Variants in HERC1 observed in about 807,000 individuals in gnomAD.
HERC1 encodes the protein probable E3 ubiquitin-protein ligase HERC1.
HERC1 carries 160 observed loss-of-function variants against 554.3 expected under a neutral mutation model. The ratio of observed to expected loss-of-function variants is 0.29; its 90% CI spans 0.25 to 0.33. HERC1 has a LOEUF of 0.33. Ranked by LOEUF, HERC1 falls within the 10% of genes least tolerant of loss-of-function variation. The pLI is 1.00. For missense variants in HERC1, 4,919 were observed against 5,918.5 expected (o/e 0.83, Z 5.54); for synonymous variants, 2,175 against 2,131.7 (o/e 1.02, Z -0.56).
chr15:63,812,421 T>C (rs2077358083), intron 1 of HERC1, among the ~76,000 whole-genome samples: 1 of 152,220 alleles, frequency 6.6e-6, no homozygotes, highest in Admixed American at 6.5e-5. Flanking sequence ...TGGAAATGTG[T>C]ATGGGCTTAC....
chr15:63,828,814 A>C (rs1437791242), intron 1 of HERC1, among the ~76,000 whole-genome samples: 1 of 152,244 alleles, frequency 6.6e-6, no homozygotes, highest in Non-Finnish European at 1.5e-5. Flanking sequence ...ATTAAACTAA[A>C]GGGAGTGGTA....
chr15:63,704,456 T>C (rs377395410), intron 25 of HERC1, among the ~76,000 whole-genome samples: 4 of 152,192 alleles, frequency 2.6e-5, no homozygotes, highest in Admixed American at 1.3e-4. Flanking sequence ...TTAACTAATA[T>C]AGTATAAACT....
chr15:63,833,753 G>GCGCACACACACACA (rs1340096449), intron 1 of HERC1, 74 bp downstream of exon 1: 4 of 46,492 alleles, frequency 8.6e-5, no homozygotes, highest in African/African-American at 2.3e-4. Context: ...ACGCGCGCGC[G>GCGCACACACACACA]CACACACACA....
chr15:63,622,761 G>A lies in HERC1; in HGVS notation c.13688+54C>T, dbSNP rs1323065235. 53 of 1,346,018 alleles carry A rather than the reference G, an allele frequency of 3.9e-5. No homozygotes were observed. In the Middle Eastern group the frequency reaches 9.2e-4, roughly 23 times the overall value. 83.4% of individuals were successfully genotyped at this position (1,346,018 alleles called of 1,614,324 possible). ...GGTACATAGTAAGCACTCAATAAAT[G>A]TGAGCTATTATTATTATTTTAGACA... On this transcript the variant is annotated intron_variant, in intron 74 of 77. Coordinates refer to ENST00000443617, the MANE Select transcript of HERC1 (RefSeq NM_003922.4).
intron 25 of HERC1, among the ~76,000 whole-genome samples, chr15:63,702,483 C>T (rs1382066447): frequency 6.6e-6 from 1 of 151,944 alleles, no homozygotes; most frequent in African/African-American, 2.4e-5. Flanking sequence ...TTTTGATATC[C>T]CACAACTTTT....
chr15:63,804,452 G>A (rs1943293879), intron 1 of HERC1, among the ~76,000 whole-genome samples: 1 of 152,036 alleles, frequency 6.6e-6, no homozygotes, highest in Admixed American at 6.6e-5. Flanking sequence ...CGGGCATGGT[G>A]GCGGGCGCCT....
At chr15:63,693,221 C>A (rs995382205) in intron 30 of HERC1, among the ~76,000 whole-genome samples, 1 of 147,170 alleles carries the variant, frequency 6.8e-6, no homozygotes, top group Admixed American at 7.0e-5. Context: ...ATATCAAAAC[C>A]CTTGGTGCTG....
intron 2 of HERC1, among the ~76,000 whole-genome samples, chr15:63,771,263 G>A (rs1445950130): frequency 6.6e-6 from 1 of 151,890 alleles, no homozygotes; most frequent in Non-Finnish European, 1.5e-5. Context: ...GACTGTGCAA[G>A]AAGAAATAAC....
chr15:63,763,990 C>A (rs2142398958), intron 3 of HERC1, 106 bp downstream of exon 3: 1 of 414,058 alleles, frequency 2.4e-6, no homozygotes, highest in Non-Finnish European at 4.3e-6. Context: ...GGTGCCACTT[C>A]CTTTTGTAGC....
intron 1 of HERC1, among the ~76,000 whole-genome samples, chr15:63,791,109 G>A (rs1007911943): frequency 4.6e-5 from 7 of 152,152 alleles, no homozygotes; most frequent in East Asian, 1.9e-4. Context: ...TCCTTTCCTC[G>A]GACATACAGA....
At chr15:63,824,014 C>G (rs2077796297) in intron 1 of HERC1, among the ~76,000 whole-genome samples, 1 of 152,024 alleles carries the variant, frequency 6.6e-6, no homozygotes, top group South Asian at 2.1e-4. Context: ...GATATTTCTC[C>G]AAATAGGACA....
chr15:63,713,307 A>G lies in HERC1; in HGVS notation c.4463+46T>C, dbSNP rs188858348. On this transcript the variant is annotated intron_variant, in intron 23 of 77. Transcript: ENST00000443617. ...AAACCATTTCAGTGCATAAAGTAAT[A>G]AAGGGAAGTGAGTAGGTCATGTTTT... 2.4e-4 allele frequency: 355 copies of G among 1,475,080 alleles called. No individual in the cohort carries two copies. The Middle Eastern group carries it at 5.0e-3, about 21-fold the overall frequency. The allele number at this position is 1,475,080 out of a possible 1,614,324, so 91.4% of individuals were successfully genotyped here.
In HERC1 at chr15:63,661,819, A is replaced by G. The variant is rs1457125914; in HGVS notation, c.9104T>C (p.Leu3035Ser). Residue 3035 changes from leucine to serine, a missense_variant, in exon 45 of 78, where the codon TTA (leucine) becomes TCA (serine). Physicochemically the swap from Leu to Ser is moderately radical, Grantham distance 145 (BLOSUM62 -2). This residue lies in a region of HERC1 where 1,963 missense variants were observed against 2,228.6 expected (regional missense o/e 0.88). Coordinates refer to ENST00000443617, the MANE Select transcript of HERC1 (RefSeq NM_003922.4). ...ECGSGNPYYL[L>S]CGTCREKYLA... Reference sequence around the variant, plus strand: ...GTACTTCTCCCTGCAGGTGCCACATAACAGGTAGTACGGATTTCCACTCCC... The same window carrying G: ...GTACTTCTCCCTGCAGGTGCCACATGACAGGTAGTACGGATTTCCACTCCC... 1.9e-6 allele frequency: 3 copies of G among 1,614,010 alleles called. No individual in the cohort carries two copies. Among genetic ancestry groups the G allele is most frequent in the Admixed American group, 3.3e-5 (2 of 60,026 alleles).
At chr15:63,626,186 G>C in intron 70 of HERC1, 32 bp from the exon 71 acceptor site, 1 of 1,601,088 alleles carries the variant, frequency 6.2e-7, no homozygotes, top group Non-Finnish European at 8.5e-7. Flanking sequence ...ACTTATGAAG[G>C]AAACAGCATT....
At chr15:63,809,010 A>G (rs2077217032) in intron 1 of HERC1, among the ~76,000 whole-genome samples, 1 of 150,668 alleles carries the variant, frequency 6.6e-6, no homozygotes, top group Non-Finnish European at 1.5e-5. Context: ...ATAAAAAATG[A>G]AGAAATAGCA....
intron 70 of HERC1, among the ~76,000 whole-genome samples, chr15:63,627,012 A>T (rs1192914869): frequency 1.1e-4 from 16 of 152,170 alleles, no homozygotes. Context: ...ATTCAGCCCC[A>T]GCAATGTGGC....
chr15:63,687,120 C>T (rs1236679835), intron 33 of HERC1, among the ~76,000 whole-genome samples: 2 of 152,206 alleles, frequency 1.3e-5, no homozygotes, highest in Admixed American at 6.5e-5. Flanking sequence ...GGGAGACCTA[C>T]ACAGAATGAT....
At chr15:63,640,057 T>A (rs1346014254) in intron 61 of HERC1, 95 bp downstream of exon 61, 4 of 1,183,592 alleles carry the variant, frequency 3.4e-6, no homozygotes, top group East Asian at 2.3e-5. Flanking sequence ...CTTCTAGCCA[T>A]GCATACCAGC....
In HERC1 at chr15:63,733,116, A is replaced by G. The variant is rs1362399440; in HGVS notation, c.2676T>C (p.Ser892=). 6.2e-7 allele frequency: 1 copy of G among 1,613,580 alleles called. No homozygotes were observed. The highest frequency in any genetic ancestry group is 8.5e-7 in the Non-Finnish European group (1 of 1,179,618). The change falls in exon 14 of 78, where the codon AGT becomes AGC. Residue 892 remains serine, a synonymous_variant. Coordinates refer to ENST00000443617, the MANE Select transcript of HERC1 (RefSeq NM_003922.4). ...AGGCTACGTGGGTATGATCTTGCAAACTTGTCAGGATGATATCCAGTTGCA... is the reference window on the plus strand; with the variant it reads ...AGGCTACGTGGGTATGATCTTGCAAGCTTGTCAGGATGATATCCAGTTGCA... The part of the protein sequence containing the change: ...QRMQLDIILT[S]LQDHTHVASL...
Sources: gnomAD v4.1 joint callset for allele counts (sites outside exome capture counted in the v4.1 genomes callset) on GRCh38, gnomAD v4.1.1 for gene constraint, gnomAD v4.1.1 regional missense constraint, MANE v1.5 for transcripts, NCBI Gene and HGNC (gene_info 2026-07-23, HGNC 2026-07-21) for gene names.